Variants in FAM228B observed in about 807,000 individuals in gnomAD.
FAM228B encodes the protein protein FAM228B.
In FAM228B, 38 loss-of-function variants were observed where a neutral mutation model predicts 42.6. The observed-to-expected ratio is 0.89, with a 90% CI of 0.69 to 1.17. The LOEUF (loss-of-function observed/expected upper bound fraction) is 1.17, where lower values mean the gene tolerates loss of function less well. Ranked by LOEUF, FAM228B falls within the 50% of genes most tolerant of loss-of-function variation. FAM228B has a pLI of 0.00. For synonymous variants in FAM228B, 109 were observed against 122.3 expected (o/e 0.89, Z 0.72); for missense variants, 344 against 367.3 (o/e 0.94, Z 0.52).
intron 5 of FAM228B, among the ~76,000 whole-genome samples, chr2:24,140,377 A>G (rs1284487973): frequency 1.3e-5 from 2 of 152,080 alleles, no homozygotes; most frequent in Non-Finnish European, 1.5e-5. Flanking sequence ...AGGTTTCACC[A>G]TGTTGGCCAG....
intron 2 of FAM228B, among the ~76,000 whole-genome samples, chr2:24,094,959 G>C (rs1665466174): frequency 6.6e-6 from 1 of 152,118 alleles, no homozygotes; most frequent in Non-Finnish European, 1.5e-5. Flanking sequence ...AGCCTGGCGT[G>C]GTGGCACACA....
intron 2 of FAM228B, among the ~76,000 whole-genome samples, chr2:24,125,715 C>T (rs1328662487): frequency 6.6e-6 from 1 of 152,160 alleles, no homozygotes. Context: ...CCTGCGCCAC[C>T]ACACCTGGCT....
At chr2:24,147,207 A>T in intron 7 of FAM228B, 121 bp downstream of exon 7, 1 of 663,984 alleles carries the variant, frequency 1.5e-6, no homozygotes, top group Non-Finnish European at 2.4e-6. Context: ...TTTTTGAGAC[A>T]GAGTCTCACT....
At chr2:24,082,837 G>A in intron 2 of FAM228B, 1 of 1,540,610 alleles carries the variant, frequency 6.5e-7, no homozygotes, top group Non-Finnish European at 8.8e-7. Context: ...GCTGATTTAT[G>A]AAGGTGTTGA....
chr2:24,090,782 A>G (rs1307167832), intron 2 of FAM228B, among the ~76,000 whole-genome samples: 3 of 152,136 alleles, frequency 2.0e-5, no homozygotes, highest in Non-Finnish European at 4.4e-5. Context: ...GGATAAAAGG[A>G]AAGTATTTAT....
At chr2:24,113,774 G>A (rs568912738) in intron 3 of FAM228B, among the ~76,000 whole-genome samples, 1 of 152,214 alleles carries the variant, frequency 6.6e-6, no homozygotes, top group African/African-American at 2.4e-5. Flanking sequence ...CTACTTGGGG[G>A]GCTGAGGCAG....
intron 7 of FAM228B, among the ~76,000 whole-genome samples, chr2:24,157,965 A>C (rs1667192008): frequency 6.6e-6 from 1 of 151,946 alleles, no homozygotes; most frequent in Non-Finnish European, 1.5e-5. Flanking sequence ...ACTTTCCCTT[A>C]TGTTACATGG....
intron 7 of FAM228B, among the ~76,000 whole-genome samples, chr2:24,158,727 A>G: frequency 6.6e-6 from 1 of 152,204 alleles, no homozygotes; most frequent in African/African-American, 2.4e-5. Flanking sequence ...ATGATGACAC[A>G]AGGGAATTCT....
At chr2:24,118,759 A>C (rs748076916), upstream of FAM228B, among the ~76,000 whole-genome samples, 1 of 152,208 alleles carries the variant, frequency 6.6e-6, no homozygotes, top group Non-Finnish European at 1.5e-5. Flanking sequence ...GCTATATCTT[A>C]ACCAGCTCTG....
At chr2:24,092,876 T>C (rs1000926354) in intron 2 of FAM228B, among the ~76,000 whole-genome samples, 6 of 151,436 alleles carry the variant, frequency 4.0e-5, no homozygotes, top group African/African-American at 1.5e-4. Context: ...AGTAAAATTA[T>C]GGTAAAACAA....
intron 3 of FAM228B, among the ~76,000 whole-genome samples, chr2:24,099,147 C>G (rs1441352059): frequency 1.4e-5 from 2 of 140,316 alleles, no homozygotes; most frequent in African/African-American, 5.0e-5. Flanking sequence ...ATAATAAGAG[C>G]TATTTATGAC....
At position 24,124,265 on chromosome 2, in the gene FAM228B, G is replaced by A. The variant is rs1209036125; in HGVS notation, c.-32-65G>A. 3.0e-5 allele frequency: 24 copies of A among 790,578 alleles called. No individual in the cohort carries two copies. In the East Asian group the frequency reaches 3.8e-4, roughly 12 times the overall value. The allele number at this position is 790,578 out of a possible 1,614,324, so 49.0% of individuals were successfully genotyped here. ...TTGCGTGTGTGCAAGGACACAGGTG[G>A]TATTAAACAGAAGAGAAAATCAGAT... On this transcript the variant is annotated intron_variant, in intron 1 of 10. Coordinates refer to ENST00000615575, the MANE Select transcript of FAM228B (RefSeq NM_001145710.2).
chr2:24,095,845 C>A lies in FAM228B; in HGVS notation c.-121+616C>A, dbSNP rs1439421387. 5 of 152,310 alleles carry A rather than the reference C, an allele frequency of 3.3e-5. No homozygotes were observed. In the South Asian group the frequency reaches 1.0e-3, roughly 32 times the overall value. 9.4% of individuals were successfully genotyped at this position (152,310 alleles called of 1,614,324 possible). On this transcript the variant is annotated intron_variant, in intron 3 of 10. Coordinates refer to the FAM228B transcript ENST00000613899. The surrounding 1 kb of genome is among the most constrained non-coding windows in gnomAD (Gnocchi z 4.8). Reference sequence around the variant, plus strand: ...CCCCATGTAGCCTAACTAGGAGATACCTCCCAGGAGGGGCCGACAGACACC... The same window carrying A: ...CCCCATGTAGCCTAACTAGGAGATAACTCCCAGGAGGGGCCGACAGACACC...
chr2:24,091,039 C>T (rs1377244351), intron 2 of FAM228B, among the ~76,000 whole-genome samples: 2 of 152,110 alleles, frequency 1.3e-5, no homozygotes, highest in Admixed American at 6.6e-5. Context: ...AACATTAATT[C>T]GGAAGTTTTA....
At chr2:24,091,313 G>T (rs966150021) in intron 2 of FAM228B, among the ~76,000 whole-genome samples, 6 of 152,156 alleles carry the variant, frequency 3.9e-5, no homozygotes, top group African/African-American at 1.4e-4. Context: ...GGCGCCAGTA[G>T]TCCCAGCTAC....
At chr2:24,167,755 A>G in intron 10 of FAM228B, 72 bp downstream of exon 10, 2 of 1,516,194 alleles carry the variant, frequency 1.3e-6, no homozygotes, top group East Asian at 2.5e-5. Flanking sequence ...GTGATTTCTG[A>G]TATCTTCAGA....
chr2:24,167,464 C>T (rs1558398185), intron 9 of FAM228B, among the ~76,000 whole-genome samples, 163 bp from the exon 10 acceptor site: 1 of 152,162 alleles, frequency 6.6e-6, no homozygotes, highest in South Asian at 2.1e-4. Context: ...ATGAACTCTT[C>T]CCCTCACTGT....
rs1198288985 is a variant in FAM228B at position 24,080,761 on chromosome 2, G to A, written c.-289-115G>A. On this transcript the variant is annotated intron_variant, in intron 1 of 10. Transcript: ENST00000613899. The surrounding 1 kb of genome is among the most constrained non-coding windows in gnomAD (Gnocchi z 4.7). ...CAGCACTGGCAACTTTGAGACTGGTGGGGCTTTTATTTAATCATCTCTTAA... is the reference window on the plus strand; with the variant it reads ...CAGCACTGGCAACTTTGAGACTGGTAGGGCTTTTATTTAATCATCTCTTAA... 1 of 1,604,290 alleles carries A rather than the reference G, an allele frequency of 6.2e-7. No individual in the cohort carries two copies. Among genetic ancestry groups the A allele is most frequent in the Non-Finnish European group, 8.5e-7 (1 of 1,172,384 alleles).
At chr2:24,102,266 A>T (rs1436210148) in intron 3 of FAM228B, among the ~76,000 whole-genome samples, 1 of 152,222 alleles carries the variant, frequency 6.6e-6, no homozygotes, top group Non-Finnish European at 1.5e-5. Context: ...GAATTATACC[A>T]GCAAAGCTTT....
Sources: allele counts gnomAD v4.1 joint callset (sites outside exome capture counted in the v4.1 genomes callset), GRCh38; gene constraint gnomAD v4.1.1; non-coding constraint Gnocchi (gnomAD v3.1); transcripts MANE v1.5; gene names NCBI Gene and HGNC (gene_info 2026-07-23, HGNC 2026-07-21).